The following DLGAP1 variants were observed in gnomAD, a reference collection of about 807,000 sequenced individuals.
The protein encoded by DLGAP1 is disks large-associated protein 1.
In DLGAP1, 11 loss-of-function variants were observed where a neutral mutation model predicts 90.8. The ratio of observed to expected loss-of-function variants is 0.12; its 90% confidence interval spans 0.08 to 0.20. The LOEUF is 0.20. Among genes scored for constraint, DLGAP1 ranks in the 10% least tolerant of loss-of-function variants. The probability of loss-of-function intolerance (pLI) is 1.00; values close to 1 mark genes in which losing one functional copy is unlikely to be tolerated. For synonymous variants in DLGAP1, 558 were observed against 540.7 expected (o/e 1.03, Z -0.44); for missense variants, 1,050 against 1,333.8 (o/e 0.79, Z 3.31).
intron 2 of DLGAP1, among the ~76,000 whole-genome samples, chr18:4,023,876 T>A (rs12953343): frequency 0.17 from 26,150 of 151,934 alleles, 2,302 homozygotes; most frequent in Middle Eastern, 0.21. Flanking sequence ...ATAAAAAAAA[T>A]TTTGGTTTCT....
chr18:3,800,775 A>ATAT (rs1568157651), intron 5 of DLGAP1, among the ~76,000 whole-genome samples: 1 of 152,194 alleles, frequency 6.6e-6, no homozygotes, highest in Non-Finnish European at 1.5e-5. Flanking sequence ...AATAAAAAAG[A>ATAT]GACATGTGGG....
At chr18:4,135,834 T>C (rs993988995) in intron 2 of DLGAP1, among the ~76,000 whole-genome samples, 1 of 147,176 alleles carries the variant, frequency 6.8e-6, no homozygotes, top group African/African-American at 2.5e-5. Context: ...CCATAATGTA[T>C]ACCTACCACA....
chr18:3,610,709 C>T (rs62083192), intron 7 of DLGAP1, among the ~76,000 whole-genome samples: 44,159 of 151,828 alleles, frequency 0.29, 7,044 homozygotes, highest in Non-Finnish European at 0.34. Flanking sequence ...TGTTGTGGCA[C>T]ATGCCTGTAA....
intron 1 of DLGAP1, among the ~76,000 whole-genome samples, chr18:4,254,848 T>G (rs972711490): frequency 6.6e-6 from 1 of 152,196 alleles, no homozygotes; most frequent in African/African-American, 2.4e-5. Flanking sequence ...GGACCTGAAG[T>G]AGCTTCCTTG....
At chr18:4,128,814 C>CT (rs1381749450) in intron 2 of DLGAP1, among the ~76,000 whole-genome samples, 3 of 152,146 alleles carry the variant, frequency 2.0e-5, no homozygotes, top group Non-Finnish European at 2.9e-5. Context: ...GATCTCCTGA[C>CT]TTTCCATATG....
At chr18:3,728,300 TTATATATATA>T (rs200480157) in intron 7 of DLGAP1, among the ~76,000 whole-genome samples, 2 of 123,664 alleles carry the variant, frequency 1.6e-5, no homozygotes, top group Admixed American at 8.2e-5. Context: ...AACGCAAATG[TTATATATATA>T]TATATATATA....
At chr18:3,757,512 G>A (rs79630602) in intron 5 of DLGAP1, among the ~76,000 whole-genome samples, 1,943 of 152,072 alleles carry the variant, frequency 0.013, 46 homozygotes, top group African/African-American at 0.044. Context: ...AATAGTAAAC[G>A]GAATCCCACA....
intron 7 of DLGAP1, among the ~76,000 whole-genome samples, chr18:3,679,444 G>A (rs1376158528): frequency 1.3e-5 from 2 of 151,824 alleles, no homozygotes; most frequent in African/African-American, 2.4e-5. Context: ...CACTGAACAT[G>A]TGTAGCCGCG....
At chr18:3,758,956 T>C (rs2063832978) in intron 5 of DLGAP1, among the ~76,000 whole-genome samples, 1 of 152,194 alleles carries the variant, frequency 6.6e-6, no homozygotes, top group Admixed American at 6.5e-5. Context: ...CACCAACCAA[T>C]GTGCCCCATC....
chr18:3,580,891 C>A, intron 8 of DLGAP1: 2 of 875,534 alleles, frequency 2.3e-6, no homozygotes, highest in Non-Finnish European at 3.6e-6. Flanking sequence ...TAGCGTCTGC[C>A]CTGAGCTGCC....
chr18:3,579,430 G>A (rs1312283848), intron 8 of DLGAP1, among the ~76,000 whole-genome samples: 5 of 152,132 alleles, frequency 3.3e-5, no homozygotes, highest in Non-Finnish European at 2.9e-5. Flanking sequence ...GGCTAGTCTC[G>A]AACTCCCGAC....
chr18:3,771,735 A>G (rs531899337), intron 5 of DLGAP1, among the ~76,000 whole-genome samples: 6 of 152,268 alleles, frequency 3.9e-5, no homozygotes, highest in Non-Finnish European at 8.8e-5. Flanking sequence ...CTCTCCTTCA[A>G]CGGATAAAAA....
chr18:4,091,828 G>T (rs2075776575), intron 2 of DLGAP1, among the ~76,000 whole-genome samples: 1 of 151,372 alleles, frequency 6.6e-6, no homozygotes, highest in African/African-American at 2.4e-5. Flanking sequence ...TAACTTCTCT[G>T]CTTGATAGTT....
At chr18:4,416,709 G>T (rs553092132) in intron 1 of DLGAP1, among the ~76,000 whole-genome samples, 1 of 151,286 alleles carries the variant, frequency 6.6e-6, no homozygotes, top group East Asian at 2.0e-4. Flanking sequence ...AGACCAATAT[G>T]AGATGCTATA....
chr18:4,097,765 A>G (rs996186311), intron 2 of DLGAP1, among the ~76,000 whole-genome samples: 4 of 152,244 alleles, frequency 2.6e-5, no homozygotes, highest in Admixed American at 2.6e-4. Flanking sequence ...TTTCGACAAA[A>G]ATATTCAGAT....
chr18:3,989,172 G>C (rs774281021), intron 3 of DLGAP1, among the ~76,000 whole-genome samples: 2 of 152,208 alleles, frequency 1.3e-5, no homozygotes, highest in African/African-American at 2.4e-5. Context: ...CCTAGCTTGC[G>C]TCCTTGCTGG....
At chr18:3,518,324 A>G (rs1599022814) in intron 10 of DLGAP1, among the ~76,000 whole-genome samples, 2 of 152,324 alleles carry the variant, frequency 1.3e-5, no homozygotes, top group Non-Finnish European at 2.9e-5. Context: ...CGGTTCATGG[A>G]GCTCCAAAAC....
At chr18:3,690,862 T>A (rs1410260173) in intron 7 of DLGAP1, among the ~76,000 whole-genome samples, 1 of 152,228 alleles carries the variant, frequency 6.6e-6, no homozygotes, top group East Asian at 1.9e-4. Flanking sequence ...AGACTTATGA[T>A]TCAGACATGC....
chr18:4,122,977 C>T (rs2076177024), intron 2 of DLGAP1, among the ~76,000 whole-genome samples: 1 of 152,112 alleles, frequency 6.6e-6, no homozygotes, highest in East Asian at 1.9e-4. Flanking sequence ...ACTCCATTGC[C>T]CCAAGGGTAA....
Sources: gnomAD v4.1 joint callset for allele counts (sites outside exome capture counted in the v4.1 genomes callset) on GRCh38, gnomAD v4.1.1 for gene constraint, MANE v1.5 for transcripts, NCBI Gene and HGNC (gene_info 2026-07-23, HGNC 2026-07-21) for gene names.